RNF17: variants seen among roughly 807,000 people sequenced by gnomAD.
The protein encoded by RNF17 is spermatogenesis associated 23.
Under a neutral mutation model 200.5 loss-of-function variants are expected in RNF17, and 31 were observed. The observed-to-expected ratio is 0.15, with a 90% CI of 0.12 to 0.21. The LOEUF is 0.21. Ranked by LOEUF, RNF17 falls within the 10% of genes least tolerant of loss-of-function variation. The probability of loss-of-function intolerance (pLI) is 1.00; values close to 1 mark genes in which losing one functional copy is unlikely to be tolerated. For missense variants in RNF17, 1,628 were observed against 1,905.1 expected, an observed-to-expected ratio of 0.85 and a Z score of 2.71; for synonymous variants, 606 against 637.8, an observed-to-expected ratio of 0.95 and a Z score of 0.75.
intron 18 of RNF17, among the ~76,000 whole-genome samples, chr13:24,841,669 C>T (rs912747738): frequency 6.6e-6 from 1 of 151,964 alleles, no homozygotes; most frequent in Non-Finnish European, 1.5e-5. Context: ...AAAAAATTGC[C>T]TCATTTAGGC....
rs758903334 is a variant in RNF17, at chr13:24,859,041, T to A, written c.3651T>A (p.Asn1217Lys). Residue 1217 changes from asparagine to lysine, a missense_variant, in exon 26 of 36, where the codon AAT (asparagine) becomes AAA (lysine). Transcript: ENST00000255324. ...AAATGACAAATGAAATTCAAAGTAA[T>A]TTAAAATGCCTTGGTCTTTTGGAGC... ...LIKMTNEIQS[N>K]LKCLGLLEPY... The A allele has an allele frequency of 1.2e-6, 2 of 1,602,156 alleles. No homozygotes were observed. The highest frequency in any genetic ancestry group is 2.2e-5 in the South Asian group (2 of 90,264).
intron 15 of RNF17, among the ~76,000 whole-genome samples, chr13:24,816,475 A>T (rs957213262): frequency 2.0e-5 from 3 of 152,148 alleles, no homozygotes; most frequent in Non-Finnish European, 4.4e-5. Flanking sequence ...TAAAACCAGA[A>T]TCAACACCAG....
chr13:24,848,849 G>A (rs570432808), intron 22 of RNF17, among the ~76,000 whole-genome samples: 14 of 151,994 alleles, frequency 9.2e-5, no homozygotes, highest in Admixed American at 3.3e-4. Context: ...ATATACCATC[G>A]TAATAAATAA....
intron 29 of RNF17, among the ~76,000 whole-genome samples, chr13:24,865,902 GA>G: frequency 6.6e-6 from 1 of 152,234 alleles, no homozygotes; most frequent in East Asian, 1.9e-4. Context: ...GGAAAGGTAA[GA>G]ACTCCCACTC....
chr13:24,877,025 C>T lies in RNF17; in HGVS notation c.4612C>T (p.Arg1538Trp), dbSNP rs773738236. 14 of 1,605,690 alleles carry T rather than the reference C, an allele frequency of 8.7e-6. No homozygotes were observed. The highest frequency in any genetic ancestry group is 5.6e-5 in the South Asian group (5 of 88,946). Residue 1538 changes from arginine to tryptophan, a missense_variant, in exon 34 of 36, where the codon CGG becomes TGG. By Grantham distance (101) the Arg-to-Trp change is moderately radical. This residue lies in a region of RNF17 where 609 missense variants were observed against 681.9 expected (regional missense o/e 0.89). Transcript: ENST00000255324. ...RLCQIPSHLM[R>W]YPARAIKVLL... ...GTGCCAAATTCCTTCTCATCTTATG[C>T]GGTATCCAGCTCGAGCCATAAAGGT...
chr13:24,872,127 A>C (rs1894351445), intron 32 of RNF17, among the ~76,000 whole-genome samples: 1 of 150,588 alleles, frequency 6.6e-6, no homozygotes, highest in Non-Finnish European at 1.5e-5. Flanking sequence ...CGCCTGTCTA[A>C]TTTTGTATTT....
At chr13:24,849,245 C>T (rs1317226622) in intron 22 of RNF17, among the ~76,000 whole-genome samples, 1 of 152,152 alleles carries the variant, frequency 6.6e-6, no homozygotes, top group East Asian at 1.9e-4. Flanking sequence ...ATTTAGAGAG[C>T]CTATAGAGCC....
At chr13:24,782,608 G>C (rs1421892642) in intron 6 of RNF17, among the ~76,000 whole-genome samples, 2 of 151,346 alleles carry the variant, frequency 1.3e-5, no homozygotes, top group Admixed American at 6.6e-5. Flanking sequence ...GCTGAGATGG[G>C]GGGGGGATCT....
intron 4 of RNF17, 44 bp downstream of exon 4, chr13:24,778,450 T>G (rs1307307324): frequency 4.0e-6 from 5 of 1,255,440 alleles, no homozygotes; most frequent in Non-Finnish European, 5.8e-6. Context: ...GGCAAACGTT[T>G]GACTTTGTCT....
intron 13 of RNF17, among the ~76,000 whole-genome samples, chr13:24,801,166 G>C (rs979255252): frequency 6.6e-6 from 1 of 152,096 alleles, no homozygotes; most frequent in Non-Finnish European, 1.5e-5. Flanking sequence ...TCTTTAAAAT[G>C]ATGAGTGTTT....
intron 16 of RNF17, among the ~76,000 whole-genome samples, chr13:24,828,789 T>G (rs1209086638): frequency 6.6e-6 from 1 of 151,864 alleles, no homozygotes; most frequent in Non-Finnish European, 1.5e-5. Context: ...AATGTTAGTT[T>G]GATTTTTTTT....
intron 22 of RNF17, among the ~76,000 whole-genome samples, chr13:24,849,358 C>T (rs1364603480): frequency 6.6e-6 from 1 of 152,176 alleles, no homozygotes; most frequent in Non-Finnish European, 1.5e-5. Context: ...CAACCCACAG[C>T]CCACAGGCCA....
intron 31 of RNF17, among the ~76,000 whole-genome samples, 158 bp from the exon 32 acceptor site, chr13:24,870,413 T>C (rs1212405265): frequency 1.3e-5 from 2 of 152,006 alleles, no homozygotes; most frequent in Admixed American, 6.6e-5. Context: ...ACAAGATAAG[T>C]GTGGTAGGAT....
chr13:24,886,976 G>A, the RNF17 span, among the ~76,000 whole-genome samples: 1 of 152,232 alleles, frequency 6.6e-6, no homozygotes, highest in South Asian at 2.1e-4. Flanking sequence ...CAGGCTCCAG[G>A]TGCAAGCACA....
chr13:24,823,835 C>A (rs1888349125), intron 15 of RNF17, among the ~76,000 whole-genome samples: 1 of 152,208 alleles, frequency 6.6e-6, no homozygotes, highest in Non-Finnish European at 1.5e-5. Flanking sequence ...ACTCTTCCTT[C>A]CAAGCATCTG....
Position 24,861,303 on chromosome 13 carries a change from T to G in RNF17, c.3810T>G (p.Ile1270Met). Residue 1270 changes from isoleucine (I) to methionine (M), a missense_variant, in exon 27 of 36, where the codon ATT becomes ATG. Ile to Met is a conservative substitution (Grantham distance 10, BLOSUM62 1). This residue lies in a region of RNF17 where 609 missense variants were observed against 681.9 expected (regional missense o/e 0.89). Coordinates refer to ENST00000255324, the MANE Select transcript of RNF17 (RefSeq NM_031277.3). ...QYLDHGFTEK[I>M]PQCHLYPILL... ...TAGATCATGGATTCACTGAAAAGATTCCGCAGTGCCATCTTTACCCTATTT... is the reference window on the plus strand; with the variant it reads ...TAGATCATGGATTCACTGAAAAGATGCCGCAGTGCCATCTTTACCCTATTT... 1 of 1,594,446 alleles carries G rather than the reference T, an allele frequency of 6.3e-7. No homozygotes were observed. Among genetic ancestry groups the G allele is most frequent in the South Asian group, 1.1e-5 (1 of 89,004 alleles).
chr13:24,883,440 G>A, downstream of RNF17: 1 of 1,264,060 alleles, frequency 7.9e-7, no homozygotes, highest in Non-Finnish European at 1.1e-6. Context: ...AAAAACTACT[G>A]AAAAGTAGCC....
chr13:24,868,196 C>G (rs529679378), intron 30 of RNF17, among the ~76,000 whole-genome samples: 1 of 152,124 alleles, frequency 6.6e-6, no homozygotes, highest in African/African-American at 2.4e-5. Flanking sequence ...TGGGGCCGGG[C>G]GCGGTGGCTC....
intron 16 of RNF17, among the ~76,000 whole-genome samples, chr13:24,828,132 A>G (rs1267045022): frequency 1.3e-5 from 2 of 152,224 alleles, no homozygotes; most frequent in Non-Finnish European, 2.9e-5. Flanking sequence ...ATTGCTTTTC[A>G]AATTAGGATT....
Sources: gnomAD v4.1 joint callset for allele counts (sites outside exome capture counted in the v4.1 genomes callset) on GRCh38, gnomAD v4.1.1 for gene constraint, gnomAD v4.1.1 regional missense constraint, MANE v1.5 for transcripts, NCBI Gene and HGNC (gene_info 2026-07-23, HGNC 2026-07-21) for gene names.